Variants in ZC2HC1A observed in about 807,000 individuals in gnomAD.
ZC2HC1A encodes zinc finger C2HC-type containing 1A, also known as zinc finger C2HC domain-containing protein 1A.
In ZC2HC1A, 28 loss-of-function variants were observed where a neutral mutation model predicts 40.7. That is an observed-to-expected ratio of 0.69 (90% CI 0.51 to 0.94). ZC2HC1A has a LOEUF of 0.94. Among genes scored for constraint, ZC2HC1A ranks in the 40% least tolerant of loss-of-function variants. The pLI is 0.00. For missense variants in ZC2HC1A, 389 were observed against 386.3 expected, an observed-to-expected ratio of 1.01 and a Z score of -0.06; for synonymous variants, 129 against 129.2, an observed-to-expected ratio of 1.00 and a Z score of 0.01.
intron 3 of ZC2HC1A, among the ~76,000 whole-genome samples, chr8:78,682,996 T>A (rs1435126484): frequency 1.3e-5 from 2 of 152,228 alleles, no homozygotes; most frequent in Non-Finnish European, 2.9e-5. Flanking sequence ...TTTGACTCCA[T>A]GTCTCACATC....
At chr8:78,714,663 G>T (rs1263311979) in intron 7 of ZC2HC1A, among the ~76,000 whole-genome samples, 1 of 152,140 alleles carries the variant, frequency 6.6e-6, no homozygotes, top group East Asian at 1.9e-4. Flanking sequence ...CCAACCAGAA[G>T]TCCCTCTGAT....
rs1241182299 is a variant in ZC2HC1A at position 78,686,498 on chromosome 8, G to A, written c.242G>A (p.Arg81Lys). ...PEPPKKPSNW[R>K]RKHEEFIATI... ...CCACCAAAGAAACCATCTAATTGGA[G>A]AAGGAAACATGAAGAATTCATTGCT... is the stretch of plus-strand genomic sequence containing the variant. Residue 81 changes from arginine (R) to lysine (K), a missense_variant, in exon 4 of 9, where the codon AGA becomes AAA. Coordinates refer to ENST00000263849, the MANE Select transcript of ZC2HC1A (RefSeq NM_016010.3). 1.3e-6 allele frequency: 2 copies of A among 1,537,014 alleles called. No individual in the cohort carries two copies. The highest frequency in any genetic ancestry group is 1.4e-5 in the African/African-American group (1 of 71,538).
At chr8:78,671,949 C>G (rs750777872) in intron 1 of ZC2HC1A, among the ~76,000 whole-genome samples, 8 of 152,104 alleles carry the variant, frequency 5.3e-5, no homozygotes, top group Non-Finnish European at 1.0e-4. Context: ...CCGTACGTTA[C>G]AGATAAAAAG....
chr8:78,704,609 G>T (rs529055639), intron 7 of ZC2HC1A, among the ~76,000 whole-genome samples: 2 of 152,128 alleles, frequency 1.3e-5, no homozygotes, highest in African/African-American at 4.8e-5. Flanking sequence ...TCTTACTGGG[G>T]TTCTCTACAT....
intron 5 of ZC2HC1A, among the ~76,000 whole-genome samples, chr8:78,693,453 G>A (rs372528885): frequency 7.9e-5 from 12 of 152,150 alleles, no homozygotes; most frequent in Admixed American, 2.6e-4. Flanking sequence ...ATCTCATTGT[G>A]GTTTTGATTT....
chr8:78,717,176 C>T (rs1020452934), intron 8 of ZC2HC1A, 152 bp from the exon 9 acceptor site: 3 of 643,212 alleles, frequency 4.7e-6, no homozygotes, highest in Non-Finnish European at 7.3e-6. Flanking sequence ...TTAGTATTTA[C>T]TAACAAGGAT....
chr8:78,697,507 G>C lies in ZC2HC1A; in HGVS notation c.604+1G>C. On this transcript the variant is annotated splice_donor_variant, in intron 6 of 8. Transcript: ENST00000263849. LOFTEE classifies it high-confidence loss of function. The stretch of plus-strand genomic sequence containing the variant: ...AGTGGCGCTGGCAAAACTGTTGTAG[G>C]TAATGATAGCCGAAAAGCAACTTGA... 1 of 1,602,034 alleles carries C rather than the reference G, an allele frequency of 6.2e-7. No individual in the cohort carries two copies. The highest frequency in any genetic ancestry group is 8.5e-7 in the Non-Finnish European group (1 of 1,176,734).
intron 8 of ZC2HC1A, among the ~76,000 whole-genome samples, chr8:78,716,119 T>G (rs972108175): frequency 1.3e-5 from 2 of 151,430 alleles, no homozygotes; most frequent in Non-Finnish European, 2.9e-5. Flanking sequence ...TTTTTTGTTT[T>G]TGTTTTTTTG....
chr8:78,677,888 T>C (rs951358522), intron 2 of ZC2HC1A, among the ~76,000 whole-genome samples: 5 of 152,194 alleles, frequency 3.3e-5, no homozygotes, highest in Admixed American at 6.5e-5. Context: ...TGAAGGCTGC[T>C]GGTTGCCCAC....
intron 5 of ZC2HC1A, among the ~76,000 whole-genome samples, chr8:78,690,028 A>G (rs565198016): frequency 1.3e-5 from 2 of 152,136 alleles, no homozygotes; most frequent in East Asian, 1.9e-4. Context: ...TGGATATTCT[A>G]TTGTTTTAGC....
chr8:78,683,285 G>A (rs1229267587), intron 3 of ZC2HC1A, among the ~76,000 whole-genome samples: 2 of 152,228 alleles, frequency 1.3e-5, no homozygotes, highest in Non-Finnish European at 2.9e-5. Flanking sequence ...CCCTAGCAGA[G>A]GTTCTCCATG....
chr8:78,692,000 A>G (rs1392296394), intron 5 of ZC2HC1A, among the ~76,000 whole-genome samples: 3 of 152,182 alleles, frequency 2.0e-5, no homozygotes, highest in African/African-American at 7.2e-5. Flanking sequence ...AAGCTAATTA[A>G]CATACTATCA....
chr8:78,681,380 G>A lies in ZC2HC1A; in HGVS notation c.210+2701G>A, dbSNP rs181481867. On this transcript the variant is annotated intron_variant, in intron 3 of 8. Coordinates refer to ENST00000263849, the MANE Select transcript of ZC2HC1A (RefSeq NM_016010.3). The stretch of plus-strand genomic sequence containing the variant: ...AGAACAGCAGAACATCAGTAGATGA[G>A]TAATAATCACAGAGCAGATGAATGT... Among the ~76,000 whole-genome samples, 644 of 152,296 alleles carry A rather than the reference G, an allele frequency of 4.2e-3. 6 individuals are homozygous for A. Among genetic ancestry groups the A allele is most frequent in the Non-Finnish European group, 7.0e-3 (477 of 68,030 alleles).
chr8:78,708,570 A>G (rs1348715597), intron 7 of ZC2HC1A, among the ~76,000 whole-genome samples: 1 of 152,164 alleles, frequency 6.6e-6, no homozygotes, highest in African/African-American at 2.4e-5. Flanking sequence ...TGTAAAAAAA[A>G]GCAATCAAAT....
At chr8:78,689,546 C>G (rs1031199763) in intron 5 of ZC2HC1A, among the ~76,000 whole-genome samples, 173 bp downstream of exon 5, 41 of 152,018 alleles carry the variant, frequency 2.7e-4, no homozygotes, top group Middle Eastern at 3.4e-3. Context: ...ATCTGTAAAT[C>G]ATTTCAAGCT....
At chr8:78,670,140 T>C (rs1484209231) in intron 1 of ZC2HC1A, among the ~76,000 whole-genome samples, 1 of 152,018 alleles carries the variant, frequency 6.6e-6, no homozygotes, top group Non-Finnish European at 1.5e-5. Flanking sequence ...GTTAATTTTG[T>C]ATTTTTAGTA....
At chr8:78,701,125 C>T (rs1810588881) in intron 7 of ZC2HC1A, among the ~76,000 whole-genome samples, 1 of 152,202 alleles carries the variant, frequency 6.6e-6, no homozygotes, top group Middle Eastern at 3.2e-3. Flanking sequence ...TATCCATGAG[C>T]ATGGAATATT....
chr8:78,678,373 C>A (rs1017770631), intron 2 of ZC2HC1A, among the ~76,000 whole-genome samples, 190 bp from the exon 3 acceptor site: 3 of 151,968 alleles, frequency 2.0e-5, no homozygotes, highest in African/African-American at 4.8e-5. Context: ...TAACTTAGAG[C>A]GTGCATTATA....
At chr8:78,677,053 A>G (rs1269933945) in intron 2 of ZC2HC1A, among the ~76,000 whole-genome samples, 1 of 152,112 alleles carries the variant, frequency 6.6e-6, no homozygotes, top group Non-Finnish European at 1.5e-5. Flanking sequence ...AACTGAAAAT[A>G]AGTATGTAAA....
Sources: gnomAD v4.1 joint callset for allele counts (sites outside exome capture counted in the v4.1 genomes callset) on GRCh38, gnomAD v4.1.1 for gene constraint, MANE v1.5 for transcripts, NCBI Gene and HGNC (gene_info 2026-07-23, HGNC 2026-07-21) for gene names.